The following TRIM15 variants were observed in gnomAD, a reference collection of about 807,000 sequenced individuals.
TRIM15 encodes the protein E3 ubiquitin-protein ligase TRIM15.
TRIM15 carries 35 observed loss-of-function variants against 35.8 expected under a neutral mutation model. That is an observed-to-expected ratio of 0.98 (90% CI 0.75 to 1.30). TRIM15 has a LOEUF of 1.30. TRIM15 is among the 50% of genes most tolerant of loss of function. TRIM15 has a pLI of 0.00. For synonymous variants in TRIM15, 252 were observed against 249.8 expected, an observed-to-expected ratio of 1.01 and a Z score of -0.08; for missense variants, 590 against 593.5, an observed-to-expected ratio of 0.99 and a Z score of 0.06.
In TRIM15 at chr6:30,163,883, G is replaced by A. The variant is rs773212945; in HGVS notation, c.199G>A (p.Glu67Lys). Residue 67 changes from glutamate (E) to lysine (K), a missense_variant, in exon 1 of 7, where the codon GAG (glutamate) becomes AAG (lysine). Physicochemically the swap from Glu to Lys is moderately conservative, Grantham distance 56. Coordinates refer to ENST00000376694, the MANE Select transcript of TRIM15 (RefSeq NM_033229.3). Reference protein sequence around the residue: ...CPLCQEEEQAETPMAPVPLGP... With the variant: ...CPLCQEEEQAKTPMAPVPLGP... ...GCTCTGCCAAGAGGAGGAGCAGGCA[G>A]AGACTCCCATGGCCCCTGTGCCCCT... 6.2e-7 allele frequency: 1 copy of A among 1,612,994 alleles called. No individual in the cohort carries two copies. Among genetic ancestry groups the A allele is most frequent in the East Asian group, 2.2e-5 (1 of 44,902 alleles).
Position 30,168,517 on chromosome 6 carries a change from G to A in TRIM15, c.695G>A (p.Ser232Asn). The A allele has an allele frequency of 6.3e-7, 1 of 1,596,280 alleles. No individual in the cohort carries two copies. Reference sequence around the variant, plus strand: ...GAGGAGAAGTGTCAGCAGCCAGCAAGTGAGCTTCTACAAGTGAGAGACACT... The same window carrying A: ...GAGGAGAAGTGTCAGCAGCCAGCAAATGAGCTTCTACAAGTGAGAGACACT... ...ELEEKCQQPA[S>N]ELLQDVRVNQ... The change falls in exon 3 of 7, where the codon AGT becomes AAT. Residue 232 changes from serine (S) to asparagine (N), a missense_variant. Transcript: ENST00000376694.
chr6:30,172,361 C>A lies in TRIM15; in HGVS notation c.*12C>A, dbSNP rs577557690. The A allele has an allele frequency of 2.0e-5, 32 of 1,576,952 alleles. 1 individual carries two copies. In the Admixed American group the frequency reaches 4.7e-4, roughly 23 times the overall value. On this transcript the variant is annotated 3_prime_UTR_variant, in exon 7 of 7. Coordinates refer to ENST00000376694, the MANE Select transcript of TRIM15 (RefSeq NM_033229.3). ...CGCTGAAAGGCTGAAGTGGGGCGCG[C>A]GAAGGGCGGCGAAGCGGAGACGGCG...
intron 1 of TRIM15, 68 bp downstream of exon 1, chr6:30,164,133 T>C: frequency 1.3e-6 from 2 of 1,538,676 alleles, no homozygotes; most frequent in Non-Finnish European, 1.8e-6. Context: ...GGGGAGGAAA[T>C]CGGGCGGGGA....
chr6:30,169,435 C>T (rs115828343), intron 4 of TRIM15, 172 bp downstream of exon 4: 15,405 of 760,106 alleles, frequency 0.02, 271 homozygotes, highest in African/African-American at 0.052. Flanking sequence ...GATTTGCGTT[C>T]TAAAGGTTCA....
chr6:30,167,154 C>T lies in TRIM15; in HGVS notation c.382-22C>T. On this transcript the variant is annotated intron_variant, in intron 1 of 6. Coordinates refer to ENST00000376694, the MANE Select transcript of TRIM15 (RefSeq NM_033229.3). ...GAATTATTAATTCAGTCACCTCTAT[C>T]CACCCATTCTTCTCCCCACAGGATC... The T allele has an allele frequency of 2.5e-6, 4 of 1,589,480 alleles. No homozygotes were observed. In the South Asian group the frequency reaches 3.3e-5, roughly 13 times the overall value.
At position 30,170,010 on chromosome 6, in the gene TRIM15, G is replaced by C. The variant is rs1380942002; in HGVS notation, c.732-491G>C. Among the ~76,000 whole-genome samples the C allele has an allele frequency of 2.6e-5, 4 of 152,232 alleles. 1 individual carries two copies. The highest frequency in any genetic ancestry group is 5.9e-5 in the Non-Finnish European group (4 of 68,030). ...AAGAAACTGAGACCCAGGGGGTGAA[G>C]AGTCTTCAAGGTAATGCAGCAAGTG... On this transcript the variant is annotated intron_variant, in intron 4 of 6. Transcript: ENST00000376694.
chr6:30,164,097 T>TG (rs1390851286), intron 1 of TRIM15, 32 bp downstream of exon 1: 1 of 1,585,080 alleles, frequency 6.3e-7, no homozygotes, highest in Non-Finnish European at 8.6e-7. Flanking sequence ...AGGGCCTGTT[T>TG]GGGGCAGGAT....
Position 30,163,554 on chromosome 6 carries a change from T to TCTTTCTCCCTCTCTGTCTCTC in TRIM15, c.-131_-130insCTTTCTCCCTCTCTGTCTCTC. ...CTGGCATTCTTGCCTCTCTCTCTCT[T>TCTTTCTCCCTCTCTGTCTCTC]TCTCTCTCTCTGTCTCTTAGCCTTG... is the stretch of plus-strand genomic sequence containing the variant. On this transcript the variant is annotated 5_prime_UTR_variant, in exon 1 of 7. Transcript: ENST00000376694. 8.8e-7 allele frequency: 1 copy of TCTTTCTCCCTCTCTGTCTCTC among 1,136,868 alleles called. No individual in the cohort carries two copies. Among genetic ancestry groups the TCTTTCTCCCTCTCTGTCTCTC allele is most frequent in the East Asian group, 2.8e-5 (1 of 35,694 alleles). The allele number at this position is 1,136,868 out of a possible 1,614,324, so 70.4% of individuals were successfully genotyped here. A position where few individuals can be genotyped will look rare whatever the true frequency, so the allele number is the denominator to read the frequency against.
intron 4 of TRIM15, chr6:30,170,208 C>A: frequency 2.9e-6 from 1 of 343,150 alleles, no homozygotes; most frequent in Non-Finnish European, 5.3e-6. Context: ...CTCTAGAGAC[C>A]AAAAGGGGTA....
intron 6 of TRIM15, among the ~76,000 whole-genome samples, chr6:30,171,572 AG>A (rs770912767): frequency 9.9e-5 from 15 of 152,194 alleles, no homozygotes; most frequent in Non-Finnish European, 2.1e-4. Context: ...CTGATTTAGT[AG>A]GGTGGGATGG....
In TRIM15 at chr6:30,168,161, C is replaced by T. The variant is rs1026601943; in HGVS notation, c.478-139C>T. 4.3e-6 allele frequency: 3 copies of T among 700,498 alleles called. No homozygotes were observed. In the African/African-American group the frequency reaches 5.4e-5, roughly 13 times the overall value. 43.4% of individuals were successfully genotyped at this position (700,498 alleles called of 1,614,324 possible). A position where few individuals can be genotyped will look rare whatever the true frequency, so the allele number is the denominator to read the frequency against. On this transcript the variant is annotated intron_variant, in intron 2 of 6. Coordinates refer to ENST00000376694, the MANE Select transcript of TRIM15 (RefSeq NM_033229.3). Reference sequence around the variant, plus strand: ...AGTTCATCCTGAGACCTAACTACTTCTAGGCATATTAGTAAATGGAATGAG... The same window carrying T: ...AGTTCATCCTGAGACCTAACTACTTTTAGGCATATTAGTAAATGGAATGAG...
Position 30,164,041 on chromosome 6 carries a change from G to A in TRIM15, c.357G>A (p.Leu119=). Reference sequence around the variant, plus strand: ...ACCAGGCGCACACCGTGGGGTTCCTGGACGAGGCCATTCAGCCCTACCGGG... The same window carrying A: ...ACCAGGCGCACACCGTGGGGTTCCTAGACGAGGCCATTCAGCCCTACCGGG... The part of the protein sequence containing the change: ...PTHQAHTVGF[L]DEAIQPYRDR... Residue 119 remains leucine, a synonymous_variant, in exon 1 of 7, where the codon CTG becomes CTA. Coordinates refer to ENST00000376694, the MANE Select transcript of TRIM15 (RefSeq NM_033229.3). 6.2e-7 allele frequency: 1 copy of A among 1,612,642 alleles called. No individual in the cohort carries two copies. Among genetic ancestry groups the A allele is most frequent in the Non-Finnish European group, 8.5e-7 (1 of 1,179,692 alleles).
chr6:30,170,044 G>C (rs1185778202), intron 4 of TRIM15, among the ~76,000 whole-genome samples: 2 of 152,198 alleles, frequency 1.3e-5, no homozygotes, highest in Non-Finnish European at 2.9e-5. Flanking sequence ...TGTCTAATGA[G>C]GACTGAGCTG....
rs1274085746 is a variant in TRIM15, at chr6:30,171,866, G to A, written c.915G>A (p.Arg305=). ...VITLDPQTAS[R]SLVLSEDRKS... ...CTCTGGACCCTCAGACCGCCAGCCG[G>A]AGCCTGGTTCTCTCGGAAGACAGGA... The change falls in exon 7 of 7, where the codon CGG becomes CGA. Residue 305 remains arginine (R), a synonymous_variant. Transcript: ENST00000376694. 1.3e-6 allele frequency: 2 copies of A among 1,588,808 alleles called. No homozygotes were observed. The highest frequency in any genetic ancestry group is 3.5e-5 in the Admixed American group (2 of 57,418).
chr6:30,172,241 C>T lies in TRIM15; in HGVS notation c.1290C>T (p.Asn430=), dbSNP rs1242448722. 3.1e-6 allele frequency: 5 copies of T among 1,612,550 alleles called. No homozygotes were observed. The highest frequency in any genetic ancestry group is 4.2e-6 in the Non-Finnish European group (5 of 1,179,884). ...DYEAGQVTLH[N]AQTQEPIFTF... is the part of the protein sequence containing the mutation. ...AGGCGGGGCAGGTGACCCTCCACAA[C>T]GCCCAGACCCAGGAGCCCATCTTCA... is the stretch of plus-strand genomic sequence containing the variant. Residue 430 remains asparagine (N), a synonymous_variant, in exon 7 of 7, where the codon AAC becomes AAT. Coordinates refer to ENST00000376694, the MANE Select transcript of TRIM15 (RefSeq NM_033229.3).
chr6:30,164,912 G>C (rs569354000), intron 1 of TRIM15, among the ~76,000 whole-genome samples: 1 of 152,168 alleles, frequency 6.6e-6, no homozygotes, highest in Admixed American at 6.5e-5. Flanking sequence ...CGGCCTCATC[G>C]CTCAGCCTCC....
At chr6:30,169,325 C>T in intron 4 of TRIM15, 62 bp downstream of exon 4, 2 of 1,601,068 alleles carry the variant, frequency 1.2e-6, no homozygotes, top group East Asian at 2.2e-5. Context: ...TGGGAAGGGG[C>T]AGGGGCACTT....
intron 6 of TRIM15, among the ~76,000 whole-genome samples, chr6:30,171,324 G>T (rs1303506806): frequency 6.6e-6 from 1 of 152,204 alleles, no homozygotes; most frequent in Non-Finnish European, 1.5e-5. Flanking sequence ...TACTTGTGTA[G>T]ATATTACTCG....
Position 30,172,371 on chromosome 6 carries a change from C to A in TRIM15, c.*22C>A. The A allele has an allele frequency of 1.3e-6, 2 of 1,572,748 alleles. No homozygotes were observed. The highest frequency in any genetic ancestry group is 1.7e-6 in the Non-Finnish European group (2 of 1,160,668). ...CTGAAGTGGGGCGCGCGAAGGGCGG[C>A]GAAGCGGAGACGGCGGCTCTCCGGG... On this transcript the variant is annotated 3_prime_UTR_variant, in exon 7 of 7. Transcript: ENST00000376694.
Sources: allele counts gnomAD v4.1 joint callset (sites outside exome capture counted in the v4.1 genomes callset), GRCh38; gene constraint gnomAD v4.1.1; transcripts MANE v1.5; gene names NCBI Gene and HGNC (gene_info 2026-07-23, HGNC 2026-07-21).